The following CDH13 variants were observed in gnomAD, a reference collection of about 807,000 sequenced individuals.
CDH13 encodes the protein cadherin-13.
A neutral mutation model predicts 63.8 loss-of-function variants in CDH13; 24 were observed. The ratio of observed to expected loss-of-function variants is 0.38; its 90% confidence interval spans 0.27 to 0.53. The LOEUF is 0.53. Among genes scored for constraint, CDH13 ranks in the 20% least tolerant of loss-of-function variants. CDH13 has a pLI of 0.85. For missense variants in CDH13, 1,049 were observed against 903.1 expected, an observed-to-expected ratio of 1.16 and a Z score of -2.07; for synonymous variants, 503 against 355.3, an observed-to-expected ratio of 1.42 and a Z score of -4.67.
At chr16:82,903,802 G>A (rs1392436789) in intron 2 of CDH13, among the ~76,000 whole-genome samples, 1 of 152,104 alleles carries the variant, frequency 6.6e-6, no homozygotes, top group Non-Finnish European at 1.5e-5. Flanking sequence ...GGGAAGGTAG[G>A]GTTTATTATC....
chr16:83,544,424 G>A (rs1180337150), intron 7 of CDH13, among the ~76,000 whole-genome samples: 5 of 152,080 alleles, frequency 3.3e-5, no homozygotes, highest in Non-Finnish European at 7.4e-5. Context: ...TTATCATTAA[G>A]TCAAAAATGT....
chr16:83,186,457 G>A (rs949724289), intron 4 of CDH13, among the ~76,000 whole-genome samples: 2 of 152,040 alleles, frequency 1.3e-5, no homozygotes, highest in Admixed American at 6.5e-5. Context: ...TTAGTCATTC[G>A]ACTTTTCGAG....
At position 83,635,563 on chromosome 16, in the gene CDH13, C is replaced by T. The variant is rs549777253; in HGVS notation, c.1101+32969C>T. Among the ~76,000 whole-genome samples the T allele has an allele frequency of 1.6e-4, 24 of 151,970 alleles. No individual in the cohort carries two copies. In the East Asian group the frequency reaches 4.7e-3, roughly 29 times the overall value. On this transcript the variant is annotated intron_variant, in intron 8 of 13. Coordinates refer to ENST00000567109, the MANE Select transcript of CDH13 (RefSeq NM_001257.5). Reference sequence around the variant, plus strand: ...TTCACCATGCTGGCCAGGCTGGTCTCGAACTCCTGACCTCGTGATCTGCCT... The same window carrying T: ...TTCACCATGCTGGCCAGGCTGGTCTTGAACTCCTGACCTCGTGATCTGCCT...
intron 3 of CDH13, among the ~76,000 whole-genome samples, chr16:83,076,014 G>A (rs975278721): frequency 8.5e-5 from 13 of 152,200 alleles, no homozygotes; most frequent in African/African-American, 3.1e-4. Flanking sequence ...GTTAAGGGAA[G>A]TATGCAAAAT....
At chr16:83,770,860 G>T (rs1457169851) in intron 11 of CDH13, among the ~76,000 whole-genome samples, 2 of 152,074 alleles carry the variant, frequency 1.3e-5, no homozygotes, top group Admixed American at 1.3e-4. Flanking sequence ...TGTATCTTAT[G>T]CTGACCTCCT....
At chr16:82,863,883 G>A (rs928957019) in intron 2 of CDH13, among the ~76,000 whole-genome samples, 2 of 76,860 alleles carry the variant, frequency 2.6e-5, no homozygotes, top group East Asian at 5.4e-4. Flanking sequence ...ATTGATGAGA[G>A]TGTATTTTAA....
At chr16:82,940,435 G>A (rs1904275846) in intron 2 of CDH13, among the ~76,000 whole-genome samples, 1 of 152,108 alleles carries the variant, frequency 6.6e-6, no homozygotes, top group African/African-American at 2.4e-5. Flanking sequence ...TAGCAGTTAT[G>A]ATTGTGGTTG....
chr16:83,331,373 C>G (rs2090476796), intron 5 of CDH13, among the ~76,000 whole-genome samples: 4 of 152,184 alleles, frequency 2.6e-5, no homozygotes. Context: ...GCCAGCCACA[C>G]TCTGTATGGT....
intron 10 of CDH13, among the ~76,000 whole-genome samples, chr16:83,698,450 C>T (rs1905715503): frequency 6.6e-6 from 1 of 152,202 alleles, no homozygotes; most frequent in South Asian, 2.1e-4. Context: ...CTCCCTGAGG[C>T]CACCATGGGG....
intron 7 of CDH13, among the ~76,000 whole-genome samples, chr16:83,538,539 G>T (rs1236947293): frequency 6.6e-6 from 1 of 152,210 alleles, no homozygotes; most frequent in Non-Finnish European, 1.5e-5. Context: ...GAGAACATTT[G>T]CAAGAAGGAA....
At position 83,397,130 on chromosome 16, in the gene CDH13, C is replaced by T. The variant is rs368772675; in HGVS notation, c.781+52124C>T. Among the ~76,000 whole-genome samples, 18 of 152,236 alleles carry T rather than the reference C, an allele frequency of 1.2e-4. No homozygotes were observed. The East Asian group carries it at 1.9e-3, about 16-fold the overall frequency. ...CCCCACTCCCCAGCATGTCCCTCCTCGGCCGTGGGCAACCCCTCCTTCTTT... is the reference window on the plus strand; with the variant it reads ...CCCCACTCCCCAGCATGTCCCTCCTTGGCCGTGGGCAACCCCTCCTTCTTT... On this transcript the variant is annotated intron_variant, in intron 6 of 13. Coordinates refer to ENST00000567109, the MANE Select transcript of CDH13 (RefSeq NM_001257.5).
chr16:83,726,402 C>G (rs199973833), intron 10 of CDH13: 1 of 131,384 alleles, frequency 7.6e-6, no homozygotes. Flanking sequence ...TTTATTTGTT[C>G]ATTCTCCAGA....
intron 2 of CDH13, among the ~76,000 whole-genome samples, chr16:82,979,727 A>G (rs1910008479): frequency 6.6e-6 from 1 of 152,218 alleles, no homozygotes; most frequent in African/African-American, 2.4e-5. Context: ...CAGGATGAGA[A>G]CAGACAAATG....
rs950821622 is a variant in CDH13, at chr16:83,047,350, C to G, written c.366+15132C>G. Among the ~76,000 whole-genome samples the G allele has an allele frequency of 3.3e-5, 5 of 152,158 alleles. No individual in the cohort carries two copies. The highest frequency in any genetic ancestry group is 1.5e-5 in the Non-Finnish European group (1 of 68,040). ...GTCCATTCTCGTAAACCGTGGTTAA[C>G]ACAGATAATTGAGACTTGAGTGCTT... On this transcript the variant is annotated intron_variant, in intron 3 of 13. Coordinates refer to ENST00000567109, the MANE Select transcript of CDH13 (RefSeq NM_001257.5). This position sits in a 1 kb window ranked among gnomAD's most constrained non-coding sequence, Gnocchi z 4.9.
At chr16:83,598,335 AG>A (rs1907467231) in intron 7 of CDH13, among the ~76,000 whole-genome samples, 1 of 152,224 alleles carries the variant, frequency 6.6e-6, no homozygotes, top group South Asian at 2.1e-4. Context: ...ACTGCACTCC[AG>A]CCTGAACGAC....
chr16:83,753,222 C>T (rs905306797), intron 11 of CDH13, among the ~76,000 whole-genome samples: 1 of 152,136 alleles, frequency 6.6e-6, no homozygotes, highest in Non-Finnish European at 1.5e-5. Context: ...TTATGTTTAA[C>T]CCGGAAAAGC....
At chr16:82,869,569 T>C (rs1340020711) in intron 2 of CDH13, among the ~76,000 whole-genome samples, 1 of 152,180 alleles carries the variant, frequency 6.6e-6, no homozygotes, top group Non-Finnish European at 1.5e-5. Context: ...TATCACGTTA[T>C]CTGACTTACA....
chr16:83,554,532 T>A (rs1373127845), intron 7 of CDH13, among the ~76,000 whole-genome samples: 2 of 152,174 alleles, frequency 1.3e-5, no homozygotes, highest in Non-Finnish European at 2.9e-5. Context: ...AAATTTTTTT[T>A]AATTAATAAT....
intron 10 of CDH13, among the ~76,000 whole-genome samples, chr16:83,704,925 A>G (rs1415045883): frequency 1.3e-5 from 2 of 152,224 alleles, no homozygotes; most frequent in African/African-American, 2.4e-5. Flanking sequence ...CTGGAGTTGA[A>G]CTCCAACAAT....
Sources: gnomAD v4.1 joint callset for allele counts (sites outside exome capture counted in the v4.1 genomes callset) on GRCh38, gnomAD v4.1.1 for gene constraint, Gnocchi (gnomAD v3.1) non-coding constraint, MANE v1.5 for transcripts, NCBI Gene and HGNC (gene_info 2026-07-23, HGNC 2026-07-21) for gene names.